The following TAT variants were observed in gnomAD, a reference collection of about 807,000 sequenced individuals.
TAT encodes the protein L-tyrosine:2-oxoglutarate aminotransferase.
A neutral mutation model predicts 53.6 loss-of-function variants in TAT; 35 were observed. That is an observed-to-expected ratio of 0.65 (90% CI 0.50 to 0.87). The LOEUF is 0.87. TAT is among the 40% of genes least tolerant of loss of function. The pLI, the probability that TAT is intolerant of heterozygous loss-of-function variation, is 0.00. For missense variants in TAT, 525 were observed against 571.8 expected (o/e 0.92, Z 0.83); for synonymous variants, 197 against 206.5 (o/e 0.95, Z 0.39).
intron 8 of TAT, 127 bp from the exon 9 acceptor site, chr16:71,570,524 A>C (rs2044194908): frequency 6.3e-7 from 1 of 1,576,114 alleles, no homozygotes; most frequent in Non-Finnish European, 8.7e-7. Context: ...TGGCATTCTT[A>C]GATCAGACCC....
At chr16:71,576,567 G>C (rs1189574924) in intron 1 of TAT, 140 bp from the exon 2 acceptor site, 1 of 766,004 alleles carries the variant, frequency 1.3e-6, no homozygotes, top group Non-Finnish European at 2.2e-6. Flanking sequence ...TCTACTTTCT[G>C]TTGTAAAGTA....
intron 4 of TAT, 63 bp downstream of exon 4, chr16:71,573,476 A>G (rs1007490072): frequency 1.4e-6 from 2 of 1,447,026 alleles, no homozygotes; most frequent in Admixed American, 3.9e-5. Context: ...TGGAACAGAA[A>G]CAAGTAAAAA....
chr16:71,570,074 T>TTCAAGTAATAGAG, intron 9 of TAT, 137 bp from the exon 10 acceptor site: 1 of 1,317,728 alleles, frequency 7.6e-7, no homozygotes, highest in Non-Finnish European at 1.1e-6. Context: ...AAGAAAAAGC[T>TTCAAGTAATAGAG]CTATTACTTG....
At chr16:71,570,973 G>A (rs1327691894) in intron 7 of TAT, 142 bp from the exon 8 acceptor site, 1 of 1,064,744 alleles carries the variant, frequency 9.4e-7, no homozygotes, top group Non-Finnish European at 1.4e-6. Context: ...AAGCATGACT[G>A]GGATTGCAAG....
intron 3 of TAT, chr16:71,575,293 A>C (rs1301183281): frequency 1.3e-5 from 2 of 154,640 alleles, no homozygotes; most frequent in Non-Finnish European, 2.9e-5. Flanking sequence ...GGAATCATGT[A>C]CTTTACCAAA....
In TAT at chr16:71,570,800, G is replaced by C; in HGVS notation, c.791C>G (p.Ala264Gly). The change falls in exon 8 of 12, where the codon GCC becomes GGC. Residue 264 changes from alanine (A) to glycine (G), a missense_variant. Ala to Gly is a moderately conservative substitution (Grantham distance 60). Transcript: ENST00000355962. ...VFSDCKYEPL[A>G]TLSTDVPILS... Reference sequence around the variant, plus strand: ...GATGGGGACATCGGTGCTGAGGGTGGCCAGTGGTTCATATTTGCAATCCGA... The same window carrying C: ...GATGGGGACATCGGTGCTGAGGGTGCCCAGTGGTTCATATTTGCAATCCGA... 6.2e-7 allele frequency: 1 copy of C among 1,614,134 alleles called. No homozygotes were observed. The highest frequency in any genetic ancestry group is 8.5e-7 in the Non-Finnish European group (1 of 1,180,026).
rs1200295241 is a variant in TAT at position 71,569,848 on chromosome 16, A to G, written c.1125+6T>C. The G allele has an allele frequency of 1.2e-6, 2 of 1,613,106 alleles. No individual in the cohort carries two copies. Among genetic ancestry groups the G allele is most frequent in the Admixed American group, 3.3e-5 (2 of 59,932 alleles). Reference sequence around the variant, plus strand: ...TTGACCTAGTGCCTGCCACCCACATACTCACCATGAGGTACATAGCCCCAG... The same window carrying G: ...TTGACCTAGTGCCTGCCACCCACATGCTCACCATGAGGTACATAGCCCCAG... On this transcript the variant is annotated splice_donor_region_variant and intron_variant, in intron 10 of 11. Transcript: ENST00000355962.
chr16:71,566,074 G>A lies in TAT; in HGVS notation c.*2070C>T, dbSNP rs8063455. 16,603 of 152,220 alleles carry A rather than the reference G, an allele frequency of 0.11. 1,082 individuals carry two copies. Among genetic ancestry groups the A allele is most frequent in the Middle Eastern group, 0.22 (64 of 294 alleles). The allele number at this position is 152,220 out of a possible 1,614,324, so 9.4% of individuals were successfully genotyped here. A position where few individuals can be genotyped will look rare whatever the true frequency, so the allele number is the denominator to read the frequency against. On this transcript the variant is annotated 3_prime_UTR_variant, in exon 12 of 12. Transcript: ENST00000355962. ...AGAGATCTTTGGGGGCTTGGATGGA[G>A]GAACAGGAAAAGAGGAGCCAGGCTT... is the stretch of plus-strand genomic sequence containing the variant.
intron 11 of TAT, 94 bp from the exon 12 acceptor site, chr16:71,568,378 C>A (rs766160938): frequency 7.7e-7 from 1 of 1,297,638 alleles, no homozygotes; most frequent in Non-Finnish European, 1.1e-6. Flanking sequence ...AGAAGTGGTA[C>A]CATTTCATCA....
Position 71,569,892 on chromosome 16 carries a change from G to A in TAT, c.1087C>T (p.Leu363Phe), listed in dbSNP as rs1329426096. 5 of 1,613,920 alleles carry A rather than the reference G, an allele frequency of 3.1e-6. No individual in the cohort carries two copies. The highest frequency in any genetic ancestry group is 4.5e-5 in the East Asian group (2 of 44,890). The change falls in exon 10 of 12, where the codon CTC (leucine) becomes TTC (phenylalanine). Residue 363 changes from leucine (L) to phenylalanine (F), a missense_variant. By Grantham distance (22) the Leu-to-Phe change is conservative (BLOSUM62 0). Transcript: ENST00000355962. ...GCCCCAGAAGGGCGGACTGGCCGGA[G>A]TCCAGGGATGGCAGCCAACGCCCCA... ...CYGALAAIPG[L>F]RPVRPSGAMY...
At position 71,567,861 on chromosome 16, in the gene TAT, T is replaced by C; in HGVS notation, c.*283A>G. ...TTTCTGGTAAACTTTGTTCACCTGGTACTTTCAAGAAAAAAAGAAGGAAAT... is the reference window on the plus strand; with the variant it reads ...TTTCTGGTAAACTTTGTTCACCTGGCACTTTCAAGAAAAAAAGAAGGAAAT... On this transcript the variant is annotated 3_prime_UTR_variant, in exon 12 of 12. Coordinates refer to ENST00000355962, the MANE Select transcript of TAT (RefSeq NM_000353.3). 1 of 435,480 alleles carries C rather than the reference T, an allele frequency of 2.3e-6. No individual in the cohort carries two copies. The highest frequency in any genetic ancestry group is 4.3e-6 in the Non-Finnish European group (1 of 234,426). The allele number at this position is 435,480 out of a possible 1,614,324, so 27.0% of individuals were successfully genotyped here. A position where few individuals can be genotyped will look rare whatever the true frequency, so the allele number is the denominator to read the frequency against.
Position 71,570,363 on chromosome 16 carries a change from A to T in TAT, c.947T>A (p.Ile316Asn). 6.2e-7 allele frequency: 1 copy of T among 1,614,164 alleles called. No individual in the cohort carries two copies. The highest frequency in any genetic ancestry group is 8.5e-7 in the Non-Finnish European group (1 of 1,180,030). The change falls in exon 9 of 12, where the codon ATT becomes AAT. Residue 316 changes from isoleucine (I) to asparagine (N), a missense_variant. Coordinates refer to ENST00000355962, the MANE Select transcript of TAT (RefSeq NM_000353.3). ...RDGLVKLSQR[I>N]LGPCTIVQGA... ...CTGGACAATGGTACAGGGTCCCAAA[A>T]TGCGCTGACTCAGCTTCACCAGCCC...
rs939267770 is a variant in TAT at position 71,570,511 on chromosome 16, T to A, written c.913-114A>T. 8.2e-6 allele frequency: 13 copies of A among 1,587,906 alleles called. No homozygotes were observed. The Admixed American group carries it at 2.1e-4, about 25-fold the overall frequency. On this transcript the variant is annotated intron_variant, in intron 8 of 11. Coordinates refer to ENST00000355962, the MANE Select transcript of TAT (RefSeq NM_000353.3). ...TTTAATCTTGGAAAGTGATGGTGTC[T>A]AGTGGCATTCTTAGATCAGACCCTC... is the stretch of plus-strand genomic sequence containing the variant.
chr16:71,573,711 G>T, intron 3 of TAT, 105 bp from the exon 4 acceptor site: 1 of 1,007,636 alleles, frequency 9.9e-7, no homozygotes, highest in Non-Finnish European at 1.5e-6. Context: ...GCTCACTGCG[G>T]CCTCAAATTC....
At chr16:71,576,537 ACTCT>A (rs1182525305) in intron 1 of TAT, 110 bp from the exon 2 acceptor site, 2 of 904,302 alleles carry the variant, frequency 2.2e-6, no homozygotes, top group Non-Finnish European at 3.5e-6. Flanking sequence ...GTCTTTCCAA[ACTCT>A]CTCTTTATTT....
chr16:71,570,567 T>C, intron 8 of TAT, 112 bp downstream of exon 8: 1 of 1,574,556 alleles, frequency 6.4e-7, no homozygotes, highest in African/African-American at 1.3e-5. Flanking sequence ...GCCACACACA[T>C]GCTGCTTGAC....
At chr16:71,572,007 T>C in intron 6 of TAT, 179 bp downstream of exon 6, 1 of 751,062 alleles carries the variant, frequency 1.3e-6, no homozygotes, top group Non-Finnish European at 2.2e-6. Flanking sequence ...ATTTCTTCTT[T>C]TTCTTCTTTT....
chr16:71,569,626 C>T (rs965185450), intron 10 of TAT, among the ~76,000 whole-genome samples: 1 of 152,342 alleles, frequency 6.6e-6, no homozygotes, highest in Middle Eastern at 3.4e-3. Context: ...CAGGCGTGAG[C>T]CACCATGCCC....
At chr16:71,570,110 A>C (rs1402189031) in intron 9 of TAT, among the ~76,000 whole-genome samples, 159 bp downstream of exon 9, 6 of 152,190 alleles carry the variant, frequency 3.9e-5, no homozygotes, top group Non-Finnish European at 7.3e-5. Flanking sequence ...GGCAGAGAGA[A>C]TGGCCGGAAG....
Sources: allele counts gnomAD v4.1 joint callset (sites outside exome capture counted in the v4.1 genomes callset), GRCh38; gene constraint gnomAD v4.1.1; transcripts MANE v1.5; gene names NCBI Gene and HGNC (gene_info 2026-07-23, HGNC 2026-07-21).